Variants in XYLT1 observed in about 807,000 individuals in gnomAD.
The protein encoded by XYLT1 is xylosyltransferase 1, also known as beta-D-xylosyltransferase 1.
Under a neutral mutation model 91.3 loss-of-function variants are expected in XYLT1, and 36 were observed. The ratio of observed to expected loss-of-function variants is 0.39; its 90% CI spans 0.30 to 0.52. The LOEUF (loss-of-function observed/expected upper bound fraction) is 0.52. Among genes scored for constraint, XYLT1 ranks in the 20% least tolerant of loss-of-function variants. XYLT1 has a pLI of 0.68. For synonymous variants in XYLT1, 588 were observed against 532.0 expected (o/e 1.11, Z -1.45); for missense variants, 1,242 against 1,284.5 (o/e 0.97, Z 0.51).
At position 17,327,578 on chromosome 16, in the gene XYLT1, G is replaced by T. The variant is rs1269220284; in HGVS notation, c.402+30434C>A. ...GGAGTTTCACCGTGTTAGCCAGGAT[G>T]GTCTCAATCTCCTGACCTCGTGATC... On this transcript the variant is annotated intron_variant, in intron 2 of 11. Coordinates refer to ENST00000261381, the MANE Select transcript of XYLT1 (RefSeq NM_022166.4). Among the ~76,000 whole-genome samples, 5 of 134,834 alleles carry T rather than the reference G, an allele frequency of 3.7e-5. 1 individual carries two copies. The highest frequency in any genetic ancestry group is 7.7e-5 in the Admixed American group (1 of 13,054). 88.5% of individuals were successfully genotyped at this position (134,834 alleles called of 152,430 possible). A position where few individuals can be genotyped will look rare whatever the true frequency, so the allele number is the denominator to read the frequency against.
chr16:17,283,941 G>A (rs984865071), intron 2 of XYLT1, among the ~76,000 whole-genome samples: 1 of 152,050 alleles, frequency 6.6e-6, no homozygotes, highest in Admixed American at 6.6e-5. Context: ...ACTGTTATCC[G>A]CACTACCACT....
At chr16:17,432,708 A>G (rs2036406147) in intron 1 of XYLT1, among the ~76,000 whole-genome samples, 1 of 152,178 alleles carries the variant, frequency 6.6e-6, no homozygotes, top group South Asian at 2.1e-4. Context: ...AATGGTTCCC[A>G]TTATATCTTT....
chr16:17,461,932 C>T (rs1219514506), intron 1 of XYLT1, among the ~76,000 whole-genome samples: 2 of 152,110 alleles, frequency 1.3e-5, no homozygotes, highest in Non-Finnish European at 2.9e-5. Context: ...TCAATAAAAG[C>T]ATGTCTTTTT....
At chr16:17,285,912 GTGTGTGTC>G (rs2034131838) in intron 2 of XYLT1, among the ~76,000 whole-genome samples, 1 of 138,192 alleles carries the variant, frequency 7.2e-6, no homozygotes, top group African/African-American at 2.8e-5. Context: ...GTGTGTGTGT[GTGTGTGTC>G]CATGTGTGTG....
intron 3 of XYLT1, chr16:17,227,843 T>G (rs1472806776): frequency 6.6e-6 from 1 of 152,316 alleles, no homozygotes; most frequent in East Asian, 1.9e-4. Context: ...AGGAGACAGA[T>G]ACAAGGTATT....
intron 6 of XYLT1, among the ~76,000 whole-genome samples, chr16:17,156,616 G>C (rs977310479): frequency 6.6e-6 from 1 of 152,180 alleles, no homozygotes; most frequent in African/African-American, 2.4e-5. Flanking sequence ...CAAATGGGGA[G>C]AATAATTCTT....
rs181405987 is a variant in XYLT1, at chr16:17,216,273, G to A, written c.914-15619C>T. On this transcript the variant is annotated intron_variant, in intron 3 of 11. Transcript: ENST00000261381. ...ATTTTTATTACAAATGGAGCCTCTC[G>A]AGGAGGGAACAACTCTTATTTACTT... Among the ~76,000 whole-genome samples, 596 of 152,264 alleles carry A rather than the reference G, an allele frequency of 3.9e-3. 3 individuals carry two copies. Among genetic ancestry groups the A allele is most frequent in the African/African-American group, 0.012 (519 of 41,554 alleles).
chr16:17,138,155 G>T, intron 8 of XYLT1, 200 bp downstream of exon 8: 1 of 433,624 alleles, frequency 2.3e-6, no homozygotes, highest in Non-Finnish European at 4.0e-6. Flanking sequence ...GGGTTAATGA[G>T]TCAATGTGGT....
chr16:17,270,685 C>T (rs2033875831), intron 2 of XYLT1, among the ~76,000 whole-genome samples: 1 of 152,210 alleles, frequency 6.6e-6, no homozygotes, highest in African/African-American at 2.4e-5. Flanking sequence ...CTTGGCATCG[C>T]TATTCATTCC....
intron 1 of XYLT1, among the ~76,000 whole-genome samples, chr16:17,405,627 G>A (rs1328070643): frequency 1.3e-5 from 2 of 152,168 alleles, no homozygotes; most frequent in Non-Finnish European, 2.9e-5. Flanking sequence ...ACTGAATGAC[G>A]CCCATTCACT....
At position 17,117,715 on chromosome 16, in the gene XYLT1, C is replaced by A; in HGVS notation, c.2488G>T (p.Val830Leu). The A allele has an allele frequency of 6.2e-7, 1 of 1,614,160 alleles. No homozygotes were observed. Among genetic ancestry groups the A allele is most frequent in the Non-Finnish European group, 8.5e-7 (1 of 1,180,032 alleles). Residue 830 changes from valine (V) to leucine (L), a missense_variant, in exon 11 of 12, where the codon GTG (valine) becomes TTG (leucine). Transcript: ENST00000261381. ...AGGAATTTGGTCTCTGCAACTGGCA[C>A]CCAGTGGTGGAGAATTTTCACTGTC... ...VWTVKILHHW[V>L]PVAETKFLVA...
At chr16:17,293,175 C>A (rs1162903894) in intron 2 of XYLT1, among the ~76,000 whole-genome samples, 1 of 152,176 alleles carries the variant, frequency 6.6e-6, no homozygotes, top group Admixed American at 6.5e-5. Context: ...TCGGCTACCC[C>A]CACTGCTGCC....
chr16:17,187,456 A>G (rs535996192), intron 5 of XYLT1, among the ~76,000 whole-genome samples: 9 of 147,554 alleles, frequency 6.1e-5, no homozygotes, highest in Admixed American at 3.5e-4. Flanking sequence ...AATCCTAGCT[A>G]CTTGGGAGGC....
rs1312603303 is a variant in XYLT1, at chr16:17,108,946, G to A, written c.2629C>T (p.Pro877Ser). Residue 877 changes from proline (P) to serine (S), a missense_variant, in exon 12 of 12, where the codon CCC (proline) becomes TCC (serine). This residue lies in a region of XYLT1 where 511 missense variants were observed against 497.0 expected (regional missense o/e 1.03). Coordinates refer to ENST00000261381, the MANE Select transcript of XYLT1 (RefSeq NM_022166.4). Reference sequence around the variant, plus strand: ...GGGTTGATGGGCAGGCTGAGGACGGGGTTTAGGCTCTGGAAGCTCTGCTCC... The same window carrying A: ...GGGTTGATGGGCAGGCTGAGGACGGAGTTTAGGCTCTGGAAGCTCTGCTCC... ...YMEQSFQSLN[P>S]VLSLPINPAQ... The A allele has an allele frequency of 1.3e-6, 2 of 1,591,506 alleles. No homozygotes were observed. The highest frequency in any genetic ancestry group is 1.3e-5 in the African/African-American group (1 of 74,562).
At chr16:17,270,001 G>T (rs1183722126) in intron 2 of XYLT1, among the ~76,000 whole-genome samples, 1 of 152,048 alleles carries the variant, frequency 6.6e-6, no homozygotes. Context: ...TTTTAGTAGA[G>T]ATGGGATTTC....
chr16:17,184,866 G>A (rs1422103632), intron 5 of XYLT1, among the ~76,000 whole-genome samples: 5 of 152,062 alleles, frequency 3.3e-5, no homozygotes, highest in East Asian at 1.9e-4. Context: ...TTTGTTTTCC[G>A]TTGTGAAAGA....
chr16:17,256,188 C>T (rs998528407), intron 3 of XYLT1, among the ~76,000 whole-genome samples: 2 of 152,190 alleles, frequency 1.3e-5, no homozygotes, highest in African/African-American at 4.8e-5. Context: ...TCTTTCTGTG[C>T]AATGAGTGTA....
chr16:17,459,830 T>C (rs1050414202), intron 1 of XYLT1, among the ~76,000 whole-genome samples: 2 of 152,174 alleles, frequency 1.3e-5, no homozygotes, highest in Admixed American at 1.3e-4. Context: ...CAGTATCTGA[T>C]GAATGAATGG....
At chr16:17,220,917 T>TTG (rs2032955947) in intron 3 of XYLT1, among the ~76,000 whole-genome samples, 2 of 152,290 alleles carry the variant, frequency 1.3e-5, no homozygotes, top group African/African-American at 4.8e-5. Flanking sequence ...AAGCAACAGA[T>TTG]TGTGTAGTAT....
Sources: allele counts gnomAD v4.1 joint callset (sites outside exome capture counted in the v4.1 genomes callset), GRCh38; gene constraint gnomAD v4.1.1; regional missense constraint gnomAD v4.1.1; transcripts MANE v1.5; gene names NCBI Gene and HGNC (gene_info 2026-07-23, HGNC 2026-07-21).